ZNF23: variants seen among roughly 807,000 people sequenced by gnomAD.
ZNF23 encodes the protein zinc finger protein 23.
Under a neutral mutation model 56.2 loss-of-function variants are expected in ZNF23, and 48 were observed. That is an observed-to-expected ratio of 0.85 (90% CI 0.68 to 1.09). The LOEUF is 1.09. Among genes scored for constraint, ZNF23 ranks in the 50% least tolerant of loss-of-function variants. The pLI is 0.00. For missense variants in ZNF23, 805 were observed against 811.4 expected, an observed-to-expected ratio of 0.99 and a Z score of 0.10; for synonymous variants, 266 against 283.3, an observed-to-expected ratio of 0.94 and a Z score of 0.61.
intron 3 of ZNF23, 101 bp from the exon 4 acceptor site, chr16:71,453,451 A>G: frequency 2.2e-6 from 2 of 896,474 alleles, no homozygotes; most frequent in Non-Finnish European, 3.5e-6. Context: ...GAGGGAAGGT[A>G]AGAACCCCAG....
intron 3 of ZNF23, 131 bp downstream of exon 3, chr16:71,453,910 TA>T: frequency 8.9e-7 from 1 of 1,126,770 alleles, no homozygotes; most frequent in Non-Finnish European, 1.3e-6. Flanking sequence ...CCTCTAAGTC[TA>T]GATTAGGAAC....
At chr16:71,461,446 A>G (rs2043452163) in intron 1 of ZNF23, among the ~76,000 whole-genome samples, 1 of 152,238 alleles carries the variant, frequency 6.6e-6, no homozygotes, top group Non-Finnish European at 1.5e-5. Flanking sequence ...TTTGGAAAAC[A>G]GTATTTTGAC....
At chr16:71,450,925 T>C (rs536069524) in intron 4 of ZNF23, 1 of 185,682 alleles carries the variant, frequency 5.4e-6, no homozygotes, top group African/African-American at 2.4e-5. Flanking sequence ...ACTTGGAAGA[T>C]GACAACAGTC....
rs540754239 is a variant in ZNF23, at chr16:71,448,610, C to T, written c.1544G>A (p.Gly515Glu). 8 of 1,614,156 alleles carry T rather than the reference C, an allele frequency of 5.0e-6. No homozygotes were observed. The highest frequency in any genetic ancestry group is 3.3e-5 in the South Asian group (3 of 91,082). Reference protein sequence around the residue: ...KLMRHQRIHTGEKPFECNECG... With the variant: ...KLMRHQRIHTEEKPFECNECG... ...CTCATTACATTCAAAAGGTTTCTCC[C>T]CAGTGTGAATTCTCTGATGCCGCAT... The change falls in exon 5 of 5, where the codon GGG (glycine) becomes GAG (glutamate). Residue 515 changes from glycine (G) to glutamate (E), a missense_variant. By Grantham distance (98) the Gly-to-Glu change is moderately conservative. Transcript: ENST00000647773.
At position 71,448,452 on chromosome 16, in the gene ZNF23, T is replaced by C. The variant is rs1244635214; in HGVS notation, c.1702A>G (p.Ile568Val). Residue 568 changes from isoleucine (I) to valine (V), a missense_variant, in exon 5 of 5, where the codon ATA becomes GTA. Coordinates refer to ENST00000647773, the MANE Select transcript of ZNF23 (RefSeq NM_001381984.1). Reference protein sequence around the residue: ...INAKLTRHQRIHTGEKPFKCM... With the variant: ...INAKLTRHQRVHTGEKPFKCM... ...TTGAAAGGTTTCTCCCCAGTATGTATCCTCTGATGCCTAGTTAGTTTGGCA... is the reference window on the plus strand; with the variant it reads ...TTGAAAGGTTTCTCCCCAGTATGTACCCTCTGATGCCTAGTTAGTTTGGCA... 5.0e-6 allele frequency: 8 copies of C among 1,614,220 alleles called. No homozygotes were observed. Among genetic ancestry groups the C allele is most frequent in the African/African-American group, 4.0e-5 (3 of 75,058 alleles).
intron 4 of ZNF23, 115 bp from the exon 5 acceptor site, chr16:71,450,000 G>A (rs940006786): frequency 7.8e-6 from 6 of 768,894 alleles, no homozygotes; most frequent in Non-Finnish European, 1.2e-5. Flanking sequence ...ACCAGACTAG[G>A]TCAAAAAACA....
At chr16:71,459,481 CTT>C (rs1399937349) in intron 1 of ZNF23, among the ~76,000 whole-genome samples, 6 of 152,236 alleles carry the variant, frequency 3.9e-5, no homozygotes, top group African/African-American at 1.4e-4. Flanking sequence ...ACATACAAAT[CTT>C]TGTTCCACGT....
At chr16:71,458,284 C>T (rs868455857) in intron 1 of ZNF23, among the ~76,000 whole-genome samples, 9 of 152,262 alleles carry the variant, frequency 5.9e-5, no homozygotes, top group Admixed American at 2.0e-4. Flanking sequence ...TTTTACTGCC[C>T]CTAAAGTCAG....
Position 71,448,312 on chromosome 16 carries a change from A to G in ZNF23, c.1842T>C (p.Val614=), listed in dbSNP as rs2042919818. ...TCTGATGCCGAATTAAATGGGCATT[A>G]ACATGGAAGGCTTTTCCACACTCCT... The part of the protein sequence containing the change: ...QCKECGKAFH[V]NAHLIRHQRS... The change falls in exon 5 of 5, where the codon GTT becomes GTC. Residue 614 remains valine (V), a synonymous_variant. Coordinates refer to ENST00000647773, the MANE Select transcript of ZNF23 (RefSeq NM_001381984.1). 2 of 1,614,090 alleles carry G rather than the reference A, an allele frequency of 1.2e-6. No individual in the cohort carries two copies. Among genetic ancestry groups the G allele is most frequent in the Non-Finnish European group, 1.7e-6 (2 of 1,179,998 alleles).
intron 1 of ZNF23, chr16:71,461,865 T>TCA (rs1257546033): frequency 6.6e-6 from 1 of 152,330 alleles, no homozygotes; most frequent in Non-Finnish European, 1.5e-5. Context: ...ACTTGTGGTA[T>TCA]CACCTCGGGC....
At chr16:71,457,077 T>A (rs1597002142) in intron 1 of ZNF23, among the ~76,000 whole-genome samples, 1 of 152,000 alleles carries the variant, frequency 6.6e-6, no homozygotes, top group South Asian at 2.1e-4. Flanking sequence ...CTGAAGAGTA[T>A]ATATATAAAA....
Position 71,448,220 on chromosome 16 carries a change from T to C in ZNF23, c.1934A>G (p.Asp645Gly). ...ECGKGFSFSS[D>G]YIIHQTVHTW... ...GTGGACTGTCTGATGTATAATGTAG[T>C]CAGAACTAAAGCTGAAGCCTTTGCC... The change falls in exon 5 of 5, where the codon GAC becomes GGC. Residue 645 changes from aspartate (D) to glycine (G), a missense_variant. By Grantham distance (94) the Asp-to-Gly change is moderately conservative (BLOSUM62 -1). Transcript: ENST00000647773. The C allele has an allele frequency of 6.2e-7, 1 of 1,614,256 alleles. No individual in the cohort carries two copies. Among genetic ancestry groups the C allele is most frequent in the African/African-American group, 1.3e-5 (1 of 75,074 alleles).
chr16:71,454,321 G>A lies in ZNF23; in HGVS notation c.34-153C>T, dbSNP rs964674029. ...GGGAAGATCTCAGAAAAAAAATATC[G>A]AGAAAGTAAACTACAAAGTATCCAC... On this transcript the variant is annotated intron_variant, in intron 2 of 4. Coordinates refer to ENST00000647773, the MANE Select transcript of ZNF23 (RefSeq NM_001381984.1). 25 of 1,070,356 alleles carry A rather than the reference G, an allele frequency of 2.3e-5. No homozygotes were observed. The African/African-American group carries it at 2.9e-4, about 12-fold the overall frequency. The allele number at this position is 1,070,356 out of a possible 1,614,324, so 66.3% of individuals were successfully genotyped here. A position where few individuals can be genotyped will look rare whatever the true frequency, so the allele number is the denominator to read the frequency against.
intron 1 of ZNF23, among the ~76,000 whole-genome samples, chr16:71,457,951 C>A (rs28537877): frequency 0.051 from 7,785 of 152,168 alleles, 662 homozygotes; most frequent in African/African-American, 0.17. Context: ...CCCAGGGAGG[C>A]AGCGCCTGGA....
intron 3 of ZNF23, chr16:71,453,728 C>A: frequency 1.9e-6 from 1 of 525,618 alleles, no homozygotes; most frequent in Non-Finnish European, 3.4e-6. Flanking sequence ...TGAAAAGACT[C>A]AAGACAGGTA....
At chr16:71,455,096 T>G (rs2043180183) in intron 2 of ZNF23, among the ~76,000 whole-genome samples, 1 of 152,208 alleles carries the variant, frequency 6.6e-6, no homozygotes, top group Admixed American at 6.5e-5. Context: ...CCTCCACCCA[T>G]CAGCAATTCT....
chr16:71,458,026 T>C (rs569072706), intron 1 of ZNF23, among the ~76,000 whole-genome samples: 4 of 152,218 alleles, frequency 2.6e-5, no homozygotes, highest in Admixed American at 2.0e-4. Context: ...TCAAGAATCC[T>C]AACACCTCTG....
chr16:71,449,526 G>C lies in ZNF23; in HGVS notation c.628C>G (p.Pro210Ala). ...KHEIINSEER[P>A]FKCEELVEPF... ...TCTACTAATTCTTCACATTTGAAAG[G>C]TCTTTCCTCAGAATTAATTATTTCA... Residue 210 changes from proline to alanine, a missense_variant, in exon 5 of 5, where the codon CCT (proline) becomes GCT (alanine). By Grantham distance (27) the Pro-to-Ala change is conservative. Transcript: ENST00000647773. 1.2e-6 allele frequency: 2 copies of C among 1,614,076 alleles called. No individual in the cohort carries two copies. Among genetic ancestry groups the C allele is most frequent in the Non-Finnish European group, 1.7e-6 (2 of 1,180,026 alleles).
Position 71,456,767 on chromosome 16 carries a change from G to A in ZNF23, c.30C>T (p.Pro10=). 1 of 985,948 alleles carries A rather than the reference G, an allele frequency of 1.0e-6. No individual in the cohort carries two copies. The highest frequency in any genetic ancestry group is 1.2e-6 in the Non-Finnish European group (1 of 830,058). The allele number at this position is 985,948 out of a possible 1,614,324, so 61.1% of individuals were successfully genotyped here. A position where few individuals can be genotyped will look rare whatever the true frequency, so the allele number is the denominator to read the frequency against. MAAMHLTAW[P]QKSVTFEDVA... The stretch of plus-strand genomic sequence containing the variant: ...GCTGAAGGACCCCACAGCTCACCTG[G>A]GGCCAGGCTGTCAGGTGCATGGCTG... Residue 10 remains proline (P), a synonymous_variant, in exon 2 of 5, where the codon CCC becomes CCT. Transcript: ENST00000647773.
Sources: allele counts gnomAD v4.1 joint callset (sites outside exome capture counted in the v4.1 genomes callset), GRCh38; gene constraint gnomAD v4.1.1; transcripts MANE v1.5; gene names NCBI Gene and HGNC (gene_info 2026-07-23, HGNC 2026-07-21).